Variants in KHDC1L observed in about 807,000 individuals in gnomAD.
KHDC1L encodes KHDC1-like protein.
In KHDC1L, 5 loss-of-function variants were observed where a neutral mutation model predicts 11.2. The ratio of observed to expected loss-of-function variants is 0.45; its 90% CI spans 0.23 to 0.94. The LOEUF (loss-of-function observed/expected upper bound fraction) is 0.94, where lower values mean the gene tolerates loss of function less well. KHDC1L is among the 40% of genes least tolerant of loss of function. KHDC1L has a pLI of 0.22. For missense variants in KHDC1L, 168 were observed against 165.8 expected, an observed-to-expected ratio of 1.01 and a Z score of -0.07; for synonymous variants, 66 against 62.7, an observed-to-expected ratio of 1.05 and a Z score of -0.25.
chr6:73,223,904 G>T, intron 2 of KHDC1L, 65 bp from the exon 3 acceptor site: 1 of 1,324,066 alleles, frequency 7.6e-7, no homozygotes, highest in Non-Finnish European at 1.1e-6. Context: ...AGTAGGCCCA[G>T]ACTCCACCAG....
chr6:73,225,369 A>G lies in KHDC1L; in HGVS notation c.40T>C (p.Trp14Arg), dbSNP rs749661571. The change falls in exon 1 of 3, where the codon TGG becomes CGG. Residue 14 changes from tryptophan to arginine, a missense_variant. Coordinates refer to ENST00000370388, the MANE Select transcript of KHDC1L (RefSeq NM_001126063.3). ...GTSALSKEPW[W>R]TLPENFHSPM... ...GAATGAAAGTTTTCGGGCAGGGTCCACCACGGCTCCTTGCTGAGAGCACTC... is the reference window on the plus strand; with the variant it reads ...GAATGAAAGTTTTCGGGCAGGGTCCGCCACGGCTCCTTGCTGAGAGCACTC... The G allele has an allele frequency of 6.2e-7, 1 of 1,613,992 alleles. No homozygotes were observed.
At position 73,225,370 on chromosome 6, in the gene KHDC1L, C is replaced by A. The variant is rs1174101716; in HGVS notation, c.39G>T (p.Trp13Cys). The A allele has an allele frequency of 6.2e-7, 1 of 1,614,110 alleles. No individual in the cohort carries two copies. Among genetic ancestry groups the A allele is most frequent in the East Asian group, 2.2e-5 (1 of 44,872 alleles). ...VGTSALSKEPWWTLPENFHSP... is the reference protein window; with the variant it reads ...VGTSALSKEPCWTLPENFHSP... ...AATGAAAGTTTTCGGGCAGGGTCCA[C>A]CACGGCTCCTTGCTGAGAGCACTCG... Residue 13 changes from tryptophan to cysteine, a missense_variant, in exon 1 of 3, where the codon TGG (tryptophan) becomes TGT (cysteine). Trp to Cys is a radical substitution (Grantham distance 215). Transcript: ENST00000370388.
rs762100821 is a variant in KHDC1L at position 73,225,416 on chromosome 6, TC to T, written c.-9del. On this transcript the variant is annotated 5_prime_UTR_variant, in exon 1 of 3. Coordinates refer to ENST00000370388, the MANE Select transcript of KHDC1L (RefSeq NM_001126063.3). ...ACTCGTTCCCACGGCCATGCTGTGC[TC>T]CCACCTGATTCAGAATAGGGGAAAG... is the stretch of plus-strand genomic sequence containing the variant. The T allele has an allele frequency of 6.2e-7, 1 of 1,604,196 alleles. No homozygotes were observed. Among genetic ancestry groups the T allele is most frequent in the Admixed American group, 1.7e-5 (1 of 59,910 alleles).
In KHDC1L at chr6:73,224,392, C is replaced by T. The variant is rs1289224357; in HGVS notation, c.113-44G>A. ...AGAAGAGAAACTGTCAGCCACCAGT[C>T]CTTGGGGAGTGAGGAGGTGGCCTTG... On this transcript the variant is annotated intron_variant, in intron 1 of 2. Transcript: ENST00000370388. 6.7e-6 allele frequency: 10 copies of T among 1,486,828 alleles called. No homozygotes were observed. In the South Asian group the frequency reaches 1.2e-4, roughly 18 times the overall value. The allele number at this position is 1,486,828 out of a possible 1,614,324, so 92.1% of individuals were successfully genotyped here. A position where few individuals can be genotyped will look rare whatever the true frequency, so the allele number is the denominator to read the frequency against.
At chr6:73,224,732 C>A (rs1257732530) in intron 1 of KHDC1L, among the ~76,000 whole-genome samples, 2 of 128,532 alleles carry the variant, frequency 1.6e-5, no homozygotes. Context: ...GCCGAGATCG[C>A]GCCACTGCAC....
intron 1 of KHDC1L, 91 bp from the exon 2 acceptor site, chr6:73,224,439 T>G: frequency 9.0e-7 from 1 of 1,107,658 alleles, no homozygotes; most frequent in African/African-American, 1.6e-5. Context: ...GTGTGACTCA[T>G]GAAGGTGGGA....
chr6:73,225,492 G>C lies in KHDC1L; in HGVS notation c.-84C>G. 1.0e-6 allele frequency: 1 copy of C among 967,818 alleles called. No individual in the cohort carries two copies. The highest frequency in any genetic ancestry group is 2.6e-5 in the East Asian group (1 of 39,010). 60.0% of individuals were successfully genotyped at this position (967,818 alleles called of 1,614,324 possible). ...CTTGGAAAAGCGAGGAAGGGCCTAG[G>C]CTCTGTCCTTAAAAAGGGTTGTCCT... On this transcript the variant is annotated 5_prime_UTR_variant, in exon 1 of 3. Transcript: ENST00000370388.
Position 73,225,378 on chromosome 6 carries a change from C to G in KHDC1L, c.31G>C (p.Glu11Gln). 1 of 1,614,120 alleles carries G rather than the reference C, an allele frequency of 6.2e-7. No homozygotes were observed. The highest frequency in any genetic ancestry group is 8.5e-7 in the Non-Finnish European group (1 of 1,179,980). ...TTTTCGGGCAGGGTCCACCACGGCT[C>G]CTTGCTGAGAGCACTCGTTCCCACG... is the stretch of plus-strand genomic sequence containing the variant. MAVGTSALSK[E>Q]PWWTLPENFH... Residue 11 changes from glutamate (E) to glutamine (Q), a missense_variant, in exon 1 of 3, where the codon GAG becomes CAG. Coordinates refer to ENST00000370388, the MANE Select transcript of KHDC1L (RefSeq NM_001126063.3).
intron 2 of KHDC1L, 30 bp downstream of exon 2, chr6:73,224,136 C>A: frequency 6.6e-7 from 1 of 1,521,296 alleles, no homozygotes. Context: ...TCAAGCCCTC[C>A]ACCTCCACAG....
In KHDC1L at chr6:73,223,803, AG is replaced by A. The variant is rs764977873; in HGVS notation, c.331del (p.Leu111Ter). ...GGAGGTGACCAGGTCATCATTGGTC[AG>A]GGGCTGGCTTCGGACACGCTCTAGC... is the stretch of plus-strand genomic sequence containing the variant. ...KMLERVRSQP[L>X]TNDDLVTSVS... On this transcript the variant is annotated frameshift_variant, in exon 3 of 3. Coordinates refer to ENST00000370388, the MANE Select transcript of KHDC1L (RefSeq NM_001126063.3). LOFTEE classifies it low-confidence loss of function (END_TRUNC). 1.1e-5 allele frequency: 17 copies of A among 1,607,044 alleles called. No homozygotes were observed. Among genetic ancestry groups the A allele is most frequent in the Non-Finnish European group, 1.2e-5 (14 of 1,176,936 alleles).
intron 1 of KHDC1L, among the ~76,000 whole-genome samples, chr6:73,224,724 C>G (rs1485034936): frequency 8.3e-5 from 11 of 132,916 alleles, no homozygotes; most frequent in African/African-American, 2.6e-4. Flanking sequence ...TGCAGTGAGC[C>G]GAGATCGCGC....
At chr6:73,223,939 C>T in intron 2 of KHDC1L, 100 bp from the exon 3 acceptor site, 2 of 1,097,532 alleles carry the variant, frequency 1.8e-6, no homozygotes, top group African/African-American at 1.6e-5. Flanking sequence ...GGATGTCACC[C>T]CAGCCCAGGT....
rs536136879 is a variant in KHDC1L, at chr6:73,224,012, C to CA, written c.295+153dup. ...CTCCTCCCTGAGCAATCGCATGCCA[C>CA]AAAAATGAGCCCTTCCCTTCCCAAT... On this transcript the variant is annotated intron_variant, in intron 2 of 2. Transcript: ENST00000370388. Among the ~76,000 whole-genome samples the CA allele has an allele frequency of 1.1e-3, 167 of 152,258 alleles. 1 individual carries two copies. The highest frequency in any genetic ancestry group is 3.8e-3 in the African/African-American group (158 of 41,564).
intron 2 of KHDC1L, 124 bp from the exon 3 acceptor site, chr6:73,223,963 C>T: frequency 1.0e-6 from 1 of 980,292 alleles, no homozygotes. Context: ...CCAAGGTAAC[C>T]CATTTACTCC....
At chr6:73,224,514 C>T (rs187131541) in intron 1 of KHDC1L, among the ~76,000 whole-genome samples, 166 bp from the exon 2 acceptor site, 7 of 152,164 alleles carry the variant, frequency 4.6e-5, no homozygotes, top group African/African-American at 1.7e-4. Flanking sequence ...GTGACTCATG[C>T]CTGTAATCCC....
chr6:73,224,421 G>T, intron 1 of KHDC1L, 73 bp from the exon 2 acceptor site: 1 of 1,296,818 alleles, frequency 7.7e-7, no homozygotes, highest in Non-Finnish European at 1.0e-6. Context: ...GGCCTTGAGG[G>T]TAGGGATGTG....
At chr6:73,224,788 A>C (rs1369761016) in intron 1 of KHDC1L, among the ~76,000 whole-genome samples, 3 of 147,254 alleles carry the variant, frequency 2.0e-5, no homozygotes, top group Non-Finnish European at 3.0e-5. Context: ...AAAAAAAAAA[A>C]AAAAAACACG....
chr6:73,225,346 A>G lies in KHDC1L; in HGVS notation c.63T>C (p.His21=). The G allele has an allele frequency of 6.2e-7, 1 of 1,614,110 alleles. No homozygotes were observed. ...CTTCCATGTGGAACACCATTGGAGA[A>G]TGAAAGTTTTCGGGCAGGGTCCACC... ...EPWWTLPENF[H]SPMVFHMEED... is the part of the protein sequence containing the mutation. The change falls in exon 1 of 3, where the codon CAT becomes CAC. Residue 21 remains histidine, a synonymous_variant. Coordinates refer to ENST00000370388, the MANE Select transcript of KHDC1L (RefSeq NM_001126063.3).
rs920438936 is a variant in KHDC1L at position 73,224,648 on chromosome 6, C to T, written c.113-300G>A. 3.3e-5 allele frequency among the ~76,000 whole-genome samples: 5 copies of T among 151,416 alleles called. No individual in the cohort carries two copies. In the East Asian group the frequency reaches 5.8e-4, roughly 18 times the overall value. On this transcript the variant is annotated intron_variant, in intron 1 of 2. Coordinates refer to ENST00000370388, the MANE Select transcript of KHDC1L (RefSeq NM_001126063.3). ...AAAATTAGCCGGGCGTGGTGGCAGG[C>T]GCCTGTAGTCCCAGCTCCTCGGGAG...
Sources: allele counts gnomAD v4.1 joint callset (sites outside exome capture counted in the v4.1 genomes callset), GRCh38; gene constraint gnomAD v4.1.1; transcripts MANE v1.5; gene names NCBI Gene and HGNC (gene_info 2026-07-23, HGNC 2026-07-21).